Variants in VGF observed in about 807,000 individuals in gnomAD.
VGF encodes VGF nerve growth factor inducible.
In VGF, 13 loss-of-function variants were observed where a neutral mutation model predicts 41.1. The ratio of observed to expected loss-of-function variants is 0.32; its 90% CI spans 0.21 to 0.50. The LOEUF (loss-of-function observed/expected upper bound fraction) is 0.50. VGF is among the 20% of genes least tolerant of loss of function. VGF has a pLI of 0.98. For synonymous variants in VGF, 473 were observed against 418.3 expected (o/e 1.13, Z -1.60); for missense variants, 920 against 882.1 (o/e 1.04, Z -0.54).
rs1350807371 is a variant in VGF, at chr7:101,163,727, C to T, written c.1117G>A (p.Gly373Ser). 1 of 1,535,500 alleles carries T rather than the reference C, an allele frequency of 6.5e-7. No homozygotes were observed. Among genetic ancestry groups the T allele is most frequent in the Non-Finnish European group, 8.7e-7 (1 of 1,146,336 alleles). Residue 373 changes from glycine to serine, a missense_variant, in exon 2 of 2, where the codon GGC (glycine) becomes AGC (serine). By Grantham distance (56) the Gly-to-Ser change is moderately conservative (BLOSUM62 0). This residue lies in a region of VGF where 654 missense variants were observed against 638.4 expected (regional missense o/e 1.02). Transcript: ENST00000249330. This position sits in a 1 kb window ranked among gnomAD's most constrained non-coding sequence, Gnocchi z 5.0. Reference protein sequence around the residue: ...EEEEAEQERRGGEERVGEEDE... With the variant: ...EEEEAEQERRSGEERVGEEDE... ...TCTTCCCCCACCCTCTCCTCCCCGC[C>T]GCGTCTCTCCTGCTCCGCCTCCTCC...
In VGF at chr7:101,163,394, TCTTCCG is replaced by T; in HGVS notation, c.1444_1449del (p.Arg482_Lys483del). On this transcript the variant is annotated inframe_deletion, in exon 2 of 2. Transcript: ENST00000249330. This position sits in a 1 kb window ranked among gnomAD's most constrained non-coding sequence, Gnocchi z 5.0. ...GGCACGGGCTCGGGAGGGGCGTTCT[TCTTCCG>T]CTTCCGCTTCTCCTCCACCTCCTCG... 6.3e-7 allele frequency: 1 copy of T among 1,599,932 alleles called. No homozygotes were observed.
At position 101,164,879 on chromosome 7, in the gene VGF, G is replaced by A. The variant is rs1481073592; in HGVS notation, c.-20-16C>T. ...CTGCCGGAGACTGAAAAATAGAAGG[G>A]ACCAAAAAAAGAGGATTTCTGTAAG... On this transcript the variant is annotated splice_polypyrimidine_tract_variant and intron_variant, in intron 1 of 1. Transcript: ENST00000249330. 1 of 1,515,156 alleles carries A rather than the reference G, an allele frequency of 6.6e-7. No individual in the cohort carries two copies. The highest frequency in any genetic ancestry group is 2.3e-5 in the Admixed American group (1 of 44,268). 93.9% of individuals were successfully genotyped at this position (1,515,156 alleles called of 1,614,324 possible).
chr7:101,168,354 A>G (rs1362199667), upstream of VGF, among the ~76,000 whole-genome samples: 2 of 152,092 alleles, frequency 1.3e-5, no homozygotes, highest in African/African-American at 4.8e-5. Context: ...CTCTGGACTC[A>G]TTCTGTTTCT....
At chr7:101,168,082 C>T (rs1259381242), upstream of VGF, among the ~76,000 whole-genome samples, 1 of 150,612 alleles carries the variant, frequency 6.6e-6, no homozygotes, top group Non-Finnish European at 1.5e-5. Flanking sequence ...TTTGAGCACA[C>T]CCAGTTCTGG....
upstream of VGF, chr7:101,165,692 G>T: frequency 1.0e-5 from 10 of 981,806 alleles, no homozygotes; most frequent in Non-Finnish European, 9.7e-6. Context: ...GAGGAGGAAG[G>T]ACGCCCGACG....
rs770611627 is a variant in VGF at position 101,162,947 on chromosome 7, G to GGC, written c.*47_*48dup. 153 of 938,682 alleles carry GGC rather than the reference G, an allele frequency of 1.6e-4. No individual in the cohort carries two copies. The highest frequency in any genetic ancestry group is 7.3e-4 in the Middle Eastern group (2 of 2,738). The allele number at this position is 938,682 out of a possible 1,614,324, so 58.1% of individuals were successfully genotyped here. On this transcript the variant is annotated 3_prime_UTR_variant, in exon 2 of 2. Transcript: ENST00000249330. This position sits in a 1 kb window ranked among gnomAD's most constrained non-coding sequence, Gnocchi z 4.2. ...AGCGGGCAACACGGAGGGGGGCGCC[G>GGC]GCGCGCGCGCGCGGCGGGGGCGCGC...
In VGF at chr7:101,163,592, T is replaced by TGTCCTCGGCGCCGGCTTCCCC; in HGVS notation, c.1231_1251dup (p.Gly411_Asp417dup). 1 of 1,564,690 alleles carries TGTCCTCGGCGCCGGCTTCCCC rather than the reference T, an allele frequency of 6.4e-7. No homozygotes were observed. The highest frequency in any genetic ancestry group is 8.7e-7 in the Non-Finnish European group (1 of 1,156,036). The stretch of plus-strand genomic sequence containing the variant: ...CCCGGCGTCTCCTCCTGGGAGCGCT[T>TGTCCTCGGCGCCGGCTTCCCC]GTCCTCGGCGCCGGCTTCCCCGTCC... On this transcript the variant is annotated inframe_insertion, in exon 2 of 2. Coordinates refer to ENST00000249330, the MANE Select transcript of VGF (RefSeq NM_003378.4). The surrounding 1 kb of genome is among the most constrained non-coding windows in gnomAD (Gnocchi z 5.0).
rs756387061 is a variant in VGF at position 101,164,415 on chromosome 7, C to G, written c.429G>C (p.Pro143=). The G allele has an allele frequency of 6.2e-7, 1 of 1,609,976 alleles. No homozygotes were observed. The highest frequency in any genetic ancestry group is 1.7e-5 in the Admixed American group (1 of 59,986). Residue 143 remains proline (P), a synonymous_variant, in exon 2 of 2, where the codon CCG becomes CCC. Transcript: ENST00000249330. The stretch of plus-strand genomic sequence containing the variant: ...GATCGCTCGCCTCGGGCCCATTCTC[C>G]GGAGTCTGAGGGCGAGGCGGAGCCG... ...EPAAPPRPQT[P]ENGPEASDPS...
Position 101,163,244 on chromosome 7 carries a change from C to T in VGF, c.1600G>A (p.Glu534Lys). ...NEVLPPWDRE[E>K]DEVYPPGPYH... Reference sequence around the variant, plus strand: ...GGCCCTGGCGGGTACACCTCGTCCTCCTCCCGATCCCAGGGCGGGAGCACC... The same window carrying T: ...GGCCCTGGCGGGTACACCTCGTCCTTCTCCCGATCCCAGGGCGGGAGCACC... The change falls in exon 2 of 2, where the codon GAG becomes AAG. Residue 534 changes from glutamate (E) to lysine (K), a missense_variant. Physicochemically the swap from Glu to Lys is moderately conservative, Grantham distance 56. Coordinates refer to ENST00000249330, the MANE Select transcript of VGF (RefSeq NM_003378.4). This position sits in a 1 kb window ranked among gnomAD's most constrained non-coding sequence, Gnocchi z 5.0. 6.6e-7 allele frequency: 1 copy of T among 1,525,002 alleles called. No homozygotes were observed. Among genetic ancestry groups the T allele is most frequent in the Non-Finnish European group, 8.8e-7 (1 of 1,140,538 alleles). The allele number at this position is 1,525,002 out of a possible 1,614,324, so 94.5% of individuals were successfully genotyped here.
chr7:101,163,587 G>A lies in VGF; in HGVS notation c.1257C>T (p.Arg419=), dbSNP rs367911331. 3.4e-5 allele frequency: 53 copies of A among 1,570,344 alleles called. No individual in the cohort carries two copies. The highest frequency in any genetic ancestry group is 4.6e-5 in the Non-Finnish European group (53 of 1,158,708). Residue 419 remains arginine (R), a synonymous_variant, in exon 2 of 2, where the codon CGC becomes CGT. Transcript: ENST00000249330. The surrounding 1 kb of genome is among the most constrained non-coding windows in gnomAD (Gnocchi z 5.0). ...GGTGGCCCGGCGTCTCCTCCTGGGAGCGCTTGTCCTCGGCGCCGGCTTCCC... is the reference window on the plus strand; with the variant it reads ...GGTGGCCCGGCGTCTCCTCCTGGGAACGCTTGTCCTCGGCGCCGGCTTCCC... ...EDGEAGAEDK[R]SQEETPGHRR... is the part of the protein sequence containing the mutation.
upstream of VGF, among the ~76,000 whole-genome samples, chr7:101,166,991 A>ACGCAGGGCACC (rs1797231992): frequency 6.6e-6 from 1 of 152,054 alleles, no homozygotes; most frequent in Admixed American, 6.6e-5. Context: ...TCGTGGGCAC[A>ACGCAGGGCACC]CGCAGGGCAC....
Position 101,163,805 on chromosome 7 carries a change from C to G in VGF, c.1039G>C (p.Gly347Arg), listed in dbSNP as rs575373609. 119 of 1,533,800 alleles carry G rather than the reference C, an allele frequency of 7.8e-5. No homozygotes were observed. In the African/African-American group the frequency reaches 1.6e-3, roughly 20 times the overall value. ...GCCGCCTCCTGCAGCCCCCGACCCC[C>G]GAGGCCGCGCTGCCGGGCCCCGCCC... ...LQGGARQRGL[G>R]GRGLQEAAEE... Residue 347 changes from glycine (G) to arginine (R), a missense_variant, in exon 2 of 2, where the codon GGG (glycine) becomes CGG (arginine). Gly to Arg is a moderately radical substitution (Grantham distance 125). This residue lies in a region of VGF where 654 missense variants were observed against 638.4 expected (regional missense o/e 1.02). Transcript: ENST00000249330. This position sits in a 1 kb window ranked among gnomAD's most constrained non-coding sequence, Gnocchi z 5.0.
At chr7:101,167,382 G>A (rs1166871122), upstream of VGF, among the ~76,000 whole-genome samples, 1 of 151,162 alleles carries the variant, frequency 6.6e-6, no homozygotes, top group Non-Finnish European at 1.5e-5. The surrounding 1 kb of genome is among the most constrained non-coding windows in gnomAD (Gnocchi z 4.2). Flanking sequence ...AGATTCCAAA[G>A]AAAGGAGGGA....
At position 101,165,506 on chromosome 7, in the gene VGF, T is replaced by C; in HGVS notation, c.-153A>G. Reference sequence around the variant, plus strand: ...GCGACGGTCGAGGTCTGGCGTCCCGTGGGCTGGGCTCAGCTGGGTCGGCGC... The same window carrying C: ...GCGACGGTCGAGGTCTGGCGTCCCGCGGGCTGGGCTCAGCTGGGTCGGCGC... On this transcript the variant is annotated 5_prime_UTR_variant, in exon 1 of 2. Coordinates refer to ENST00000249330, the MANE Select transcript of VGF (RefSeq NM_003378.4). 1.0e-6 allele frequency: 1 copy of C among 985,366 alleles called. No individual in the cohort carries two copies. The highest frequency in any genetic ancestry group is 1.2e-6 in the Non-Finnish European group (1 of 829,934). The allele number at this position is 985,366 out of a possible 1,614,324, so 61.0% of individuals were successfully genotyped here. A position where few individuals can be genotyped will look rare whatever the true frequency, so the allele number is the denominator to read the frequency against.
At chr7:101,167,442 A>G (rs1797238780), upstream of VGF, among the ~76,000 whole-genome samples, 1 of 152,224 alleles carries the variant, frequency 6.6e-6, no homozygotes, top group Non-Finnish European at 1.5e-5. The surrounding 1 kb of genome is among the most constrained non-coding windows in gnomAD (Gnocchi z 4.2). Context: ...CCCACGCACA[A>G]CTAACCACGG....
chr7:101,165,542 G>C lies in VGF; in HGVS notation c.-189C>G. On this transcript the variant is annotated 5_prime_UTR_variant, in exon 1 of 2. Coordinates refer to ENST00000249330, the MANE Select transcript of VGF (RefSeq NM_003378.4). ...CAGCTGGGTCGGCGCGGCTCCGGGC[G>C]GCTAGCTCGCTCCGGCTTCAGCACG... The C allele has an allele frequency of 3.0e-6, 3 of 985,452 alleles. No homozygotes were observed. Among genetic ancestry groups the C allele is most frequent in the Non-Finnish European group, 3.6e-6 (3 of 829,944 alleles). The allele number at this position is 985,452 out of a possible 1,614,324, so 61.0% of individuals were successfully genotyped here.
chr7:101,167,670 A>G (rs567311775), upstream of VGF, among the ~76,000 whole-genome samples: 69 of 152,262 alleles, frequency 4.5e-4, no homozygotes, highest in Admixed American at 1.6e-3. The surrounding 1 kb of genome is among the most constrained non-coding windows in gnomAD (Gnocchi z 4.2). Context: ...GCTGATGGGG[A>G]TCAGAGACCA....
At chr7:101,165,831 C>CG (rs1252504700), upstream of VGF, among the ~76,000 whole-genome samples, 1 of 151,490 alleles carries the variant, frequency 6.6e-6, no homozygotes, top group African/African-American at 2.4e-5. Flanking sequence ...GCGGGCAGGG[C>CG]GGGGGGCTAT....
Position 101,162,936 on chromosome 7 carries a change from A to C in VGF, c.*60T>G. 1 of 764,290 alleles carries C rather than the reference A, an allele frequency of 1.3e-6. No individual in the cohort carries two copies. The highest frequency in any genetic ancestry group is 1.8e-6 in the Non-Finnish European group (1 of 555,262). The allele number at this position is 764,290 out of a possible 1,614,324, so 47.3% of individuals were successfully genotyped here. ...CACCGAGGGGGAGCGGGCAACACGG[A>C]GGGGGGCGCCGGCGCGCGCGCGCGG... On this transcript the variant is annotated 3_prime_UTR_variant, in exon 2 of 2. Coordinates refer to ENST00000249330, the MANE Select transcript of VGF (RefSeq NM_003378.4). This position sits in a 1 kb window ranked among gnomAD's most constrained non-coding sequence, Gnocchi z 4.2.
Sources: allele counts gnomAD v4.1 joint callset (sites outside exome capture counted in the v4.1 genomes callset), GRCh38; gene constraint gnomAD v4.1.1; regional missense constraint gnomAD v4.1.1; non-coding constraint Gnocchi (gnomAD v3.1); transcripts MANE v1.5; gene names NCBI Gene and HGNC (gene_info 2026-07-23, HGNC 2026-07-21).